LRRC37A3: variants seen among roughly 807,000 people sequenced by gnomAD.
The protein encoded by LRRC37A3 is leucine rich repeat containing 37 member A3.
In LRRC37A3, 25 loss-of-function variants were observed where a neutral mutation model predicts 106.2. That is an observed-to-expected ratio of 0.24 (90% CI 0.17 to 0.33). The LOEUF is 0.33. Ranked by LOEUF, LRRC37A3 falls within the 10% of genes least tolerant of loss-of-function variation. The pLI is 1.00. For missense variants in LRRC37A3, 712 were observed against 1,644.9 expected (o/e 0.43, Z 9.81); for synonymous variants, 305 against 635.8 (o/e 0.48, Z 7.83).
At chr17:64,879,906 T>C (rs565931797) in intron 8 of LRRC37A3, among the ~76,000 whole-genome samples, 1 of 152,198 alleles carries the variant, frequency 6.6e-6, no homozygotes, top group African/African-American at 2.4e-5. Context: ...TTCTATTTTT[T>C]CTTAAACACC....
intron 10 of LRRC37A3, among the ~76,000 whole-genome samples, chr17:64,866,619 TA>T (rs1973106026): frequency 2.3e-4 from 6 of 25,840 alleles, no homozygotes; most frequent in Non-Finnish European, 3.2e-4. Context: ...TATATATATA[TA>T]TATATATATT....
At chr17:64,917,941 C>T (rs2143643931) in intron 2 of LRRC37A3, among the ~76,000 whole-genome samples, 1 of 148,932 alleles carries the variant, frequency 6.7e-6, no homozygotes, top group East Asian at 2.0e-4. Context: ...GCACTCCACC[C>T]TGGGCAACAA....
At chr17:64,884,434 C>T (rs1223687188) in intron 8 of LRRC37A3, among the ~76,000 whole-genome samples, 1 of 151,622 alleles carries the variant, frequency 6.6e-6, no homozygotes, top group Non-Finnish European at 1.5e-5. Context: ...GGTGCCATCT[C>T]GGCTCACTGC....
At chr17:64,867,592 A>G (rs1973159273) in intron 10 of LRRC37A3, among the ~76,000 whole-genome samples, 1 of 151,092 alleles carries the variant, frequency 6.6e-6, no homozygotes, top group East Asian at 1.9e-4. Context: ...TGGTATGTAC[A>G]TAATTATACT....
Position 64,859,634 on chromosome 17 carries a change from G to A in LRRC37A3, c.4512C>T (p.Asp1504=), listed in dbSNP as rs1180956833. 2 of 1,613,552 alleles carry A rather than the reference G, an allele frequency of 1.2e-6. No homozygotes were observed. Residue 1504 remains aspartate, a synonymous_variant, in exon 12 of 15, where the codon GAC becomes GAT. Transcript: ENST00000584306. ...TCACTTGCACATGGGCCCCAGAGCA[G>A]TCCATCTTCAAGGTCCGGATAACAT... ...IAHVIRTLKM[D]CSGAHVQVTC...
At chr17:64,908,723 G>A (rs1293089882) in intron 2 of LRRC37A3, among the ~76,000 whole-genome samples, 32 of 119,566 alleles carry the variant, frequency 2.7e-4, no homozygotes, top group Middle Eastern at 3.6e-3. Flanking sequence ...GTTGCAGTGA[G>A]CCAAGATCGC....
At chr17:64,854,668 A>AGG in intron 14 of LRRC37A3, 24 bp from the exon 15 acceptor site, 1 of 1,612,946 alleles carries the variant, frequency 6.2e-7, no homozygotes, top group South Asian at 1.1e-5. Context: ...AACAATGCCA[A>AGG]GGTTTTGATT....
In LRRC37A3 at chr17:64,860,708, G is replaced by A; in HGVS notation, c.3438C>T (p.Thr1146=). The A allele has an allele frequency of 1.2e-6, 2 of 1,613,950 alleles. No homozygotes were observed. Among genetic ancestry groups the A allele is most frequent in the Non-Finnish European group, 1.7e-6 (2 of 1,179,880 alleles). Residue 1146 remains threonine (T), a synonymous_variant, in exon 12 of 15, where the codon ACC becomes ACT. Coordinates refer to ENST00000584306, the MANE Select transcript of LRRC37A3 (RefSeq NM_199340.5). ...SLLLPFIKLP[T]TGNSLAKIQT... Reference sequence around the variant, plus strand: ...GAATCTTTGCCAGGCTGTTTCCTGTGGTTGGCAGTTTAATGAACGGTAGTA... The same window carrying A: ...GAATCTTTGCCAGGCTGTTTCCTGTAGTTGGCAGTTTAATGAACGGTAGTA...
intron 11 of LRRC37A3, among the ~76,000 whole-genome samples, chr17:64,862,514 C>T (rs924460723): frequency 2.6e-5 from 4 of 151,752 alleles, no homozygotes; most frequent in African/African-American, 9.7e-5. Context: ...TCCTATAAGG[C>T]AGAGAGTACT....
chr17:64,883,328 G>A (rs1000413266), intron 8 of LRRC37A3, among the ~76,000 whole-genome samples: 5 of 151,122 alleles, frequency 3.3e-5, no homozygotes, highest in South Asian at 2.1e-4. Context: ...CTATCACCCT[G>A]CTAACTTGGC....
At chr17:64,876,441 TC>T (rs1973519215) in intron 8 of LRRC37A3, among the ~76,000 whole-genome samples, 1 of 152,224 alleles carries the variant, frequency 6.6e-6, no homozygotes, top group East Asian at 1.9e-4. Context: ...CACCGCAGCC[TC>T]CCAAAGTGCT....
intron 8 of LRRC37A3, among the ~76,000 whole-genome samples, chr17:64,873,572 TAGAGAATATC>T: frequency 6.7e-6 from 1 of 149,766 alleles, no homozygotes; most frequent in African/African-American, 2.5e-5. Flanking sequence ...TCTCATCAAA[TAGAGAATATC>T]AATAAAGAGA....
At chr17:64,878,981 G>T (rs1973601768) in intron 8 of LRRC37A3, among the ~76,000 whole-genome samples, 1 of 152,180 alleles carries the variant, frequency 6.6e-6, no homozygotes, top group Non-Finnish European at 1.5e-5. Flanking sequence ...CCATACAATG[G>T]AATATCACTC....
Position 64,860,000 on chromosome 17 carries a change from A to G in LRRC37A3, c.4146T>C (p.Phe1382=), listed in dbSNP as rs1251620510. 2.5e-6 allele frequency: 4 copies of G among 1,613,638 alleles called. No homozygotes were observed. Among genetic ancestry groups the G allele is most frequent in the Non-Finnish European group, 3.4e-6 (4 of 1,179,868 alleles). Residue 1382 remains phenylalanine, a synonymous_variant, in exon 12 of 15, where the codon TTT becomes TTC. Coordinates refer to ENST00000584306, the MANE Select transcript of LRRC37A3 (RefSeq NM_199340.5). Reference sequence around the variant, plus strand: ...TGTCTTTTGTATTATTGTTTTCTATAAAATGTTCTGAAGGAGCAGATACTT... The same window carrying G: ...TGTCTTTTGTATTATTGTTTTCTATGAAATGTTCTGAAGGAGCAGATACTT... The part of the protein sequence containing the change: ...FLEVSAPSEH[F]IENNNTKDTT...
intron 13 of LRRC37A3, among the ~76,000 whole-genome samples, chr17:64,856,125 G>A (rs544849492): frequency 1.3e-5 from 2 of 152,166 alleles, no homozygotes; most frequent in South Asian, 2.1e-4. Flanking sequence ...AGAATCTGTG[G>A]ATGCTCAATC....
chr17:64,868,497 C>T lies in LRRC37A3; in HGVS notation c.3018G>A (p.Lys1006=). 2 of 1,610,686 alleles carry T rather than the reference C, an allele frequency of 1.2e-6. No individual in the cohort carries two copies. Among genetic ancestry groups the T allele is most frequent in the Non-Finnish European group, 1.7e-6 (2 of 1,179,084 alleles). The change falls in exon 10 of 15, where the codon AAG becomes AAA. Residue 1006 remains lysine, a synonymous_variant. Coordinates refer to ENST00000584306, the MANE Select transcript of LRRC37A3 (RefSeq NM_199340.5). ...GTTCAACAGTCATCATGAGAATGTT[C>T]TTAAGTGTTGTAAGTGGGACTAGCG... The part of the protein sequence containing the change: ...GTTLVPLTTL[K]NILMMTVELE...
intron 8 of LRRC37A3, among the ~76,000 whole-genome samples, chr17:64,878,439 G>T (rs1489885612): frequency 2.6e-5 from 4 of 152,106 alleles, no homozygotes; most frequent in Non-Finnish European, 4.4e-5. Flanking sequence ...ATCTGTTAAG[G>T]TCTAATATCC....
chr17:64,878,217 A>T (rs570563937), intron 8 of LRRC37A3, among the ~76,000 whole-genome samples: 1 of 152,356 alleles, frequency 6.6e-6, no homozygotes, highest in East Asian at 1.9e-4. Flanking sequence ...TGTCAGACAG[A>T]TGAAAGGGAC....
intron 12 of LRRC37A3, 81 bp from the exon 13 acceptor site, chr17:64,858,964 AT>A (rs996839911): frequency 9.0e-6 from 9 of 999,452 alleles, no homozygotes; most frequent in Non-Finnish European, 1.2e-5. Context: ...GTTCTTTTTT[AT>A]TTTTTTGAAA....
Sources: allele counts gnomAD v4.1 joint callset (sites outside exome capture counted in the v4.1 genomes callset), GRCh38; gene constraint gnomAD v4.1.1; transcripts MANE v1.5; gene names NCBI Gene and HGNC (gene_info 2026-07-23, HGNC 2026-07-21).